Variants in ADGRL2 observed in about 807,000 individuals in gnomAD.
The protein encoded by ADGRL2 is calcium-independent alpha-latrotoxin receptor 2.
Under a neutral mutation model 157.4 loss-of-function variants are expected in ADGRL2, and 44 were observed. The observed-to-expected ratio is 0.28, with a 90% CI of 0.22 to 0.36. The LOEUF (loss-of-function observed/expected upper bound fraction) is 0.36. Among genes scored for constraint, ADGRL2 ranks in the 10% least tolerant of loss-of-function variants. The probability of loss-of-function intolerance (pLI) is 1.00; values close to 1 mark genes in which losing one functional copy is unlikely to be tolerated. For missense variants in ADGRL2, 1,510 were observed against 1,768.9 expected (o/e 0.85, Z 2.63); for synonymous variants, 585 against 624.7 (o/e 0.94, Z 0.95).
At chr1:81,936,909 G>C in intron 4 of ADGRL2, 72 bp downstream of exon 4, 1 of 913,302 alleles carries the variant, frequency 1.1e-6, no homozygotes, top group Non-Finnish European at 1.8e-6. Flanking sequence ...CTACACATGT[G>C]AAAGAAGCAT....
rs981521645 is a variant in ADGRL2 at position 81,955,737 on chromosome 1, T to A, written c.1834-140T>A. The A allele has an allele frequency of 5.5e-6, 3 of 545,396 alleles. No homozygotes were observed. The African/African-American group carries it at 5.9e-5, about 11-fold the overall frequency. The allele number at this position is 545,396 out of a possible 1,614,324, so 33.8% of individuals were successfully genotyped here. On this transcript the variant is annotated intron_variant, in intron 10 of 23. Transcript: ENST00000686636. ...TATTTTAAAATGGACCAGATATATGTTGTCTAGGTGTTCTTCCATCTTGAA... is the reference window on the plus strand; with the variant it reads ...TATTTTAAAATGGACCAGATATATGATGTCTAGGTGTTCTTCCATCTTGAA...
chr1:81,534,342 G>A (rs777042105), intron 2 of ADGRL2, among the ~76,000 whole-genome samples: 10 of 151,776 alleles, frequency 6.6e-5, no homozygotes, highest in Non-Finnish European at 8.8e-5. Flanking sequence ...TTGTATTTTC[G>A]GTAGAGACGG....
At chr1:81,447,251 C>A (rs2077615250) in intron 2 of ADGRL2, among the ~76,000 whole-genome samples, 1 of 151,958 alleles carries the variant, frequency 6.6e-6, no homozygotes, top group African/African-American at 2.4e-5. Flanking sequence ...AGATATAATT[C>A]AGTAAACATA....
intron 2 of ADGRL2, among the ~76,000 whole-genome samples, chr1:81,895,184 T>G (rs989152390): frequency 6.6e-6 from 1 of 152,108 alleles, no homozygotes; most frequent in Non-Finnish European, 1.5e-5. Flanking sequence ...AGTTTCAATG[T>G]TGTTAACCCA....
At chr1:81,802,838 C>T (rs1017558619) in intron 1 of ADGRL2, among the ~76,000 whole-genome samples, 1 of 152,070 alleles carries the variant, frequency 6.6e-6, no homozygotes, top group Non-Finnish European at 1.5e-5. Context: ...TCCTTCTCGT[C>T]AGTGGTTAGG....
intron 2 of ADGRL2, among the ~76,000 whole-genome samples, chr1:81,769,858 CTTTTCTTTTTT>C (rs1009053457): frequency 5.0e-4 from 76 of 151,580 alleles, no homozygotes; most frequent in African/African-American, 1.5e-3. Context: ...TTTTATTTTC[CTTTTCTTTTTT>C]TTTTCTTTTT....
intron 1 of ADGRL2, among the ~76,000 whole-genome samples, chr1:81,823,800 C>G (rs1207440825): frequency 6.6e-6 from 1 of 151,634 alleles, no homozygotes; most frequent in Admixed American, 6.6e-5. Flanking sequence ...ATAACTATAC[C>G]AAGAAAGGTA....
chr1:81,702,696 A>G (rs1055467821), intron 1 of ADGRL2, among the ~76,000 whole-genome samples: 8 of 152,308 alleles, frequency 5.3e-5, no homozygotes, highest in South Asian at 2.1e-4. Context: ...AGAAAACACC[A>G]TCTTGCTGGG....
chr1:81,868,060 G>GGTGTGTGTGTGTGTGTGTGT (rs145794673), intron 2 of ADGRL2, among the ~76,000 whole-genome samples: 1 of 145,662 alleles, frequency 6.9e-6, no homozygotes, highest in Middle Eastern at 3.6e-3. Context: ...GTGTGTGTGT[G>GGTGTGTGTGTGTGTGTGTGT]GTGTGTGTGT....
chr1:81,417,656 G>T (rs932830554), intron 1 of ADGRL2, among the ~76,000 whole-genome samples: 1 of 152,128 alleles, frequency 6.6e-6, no homozygotes. Flanking sequence ...TTGTATTAGG[G>T]TCCACCTTTC....
At chr1:81,889,048 CCT>C (rs1186122887) in intron 2 of ADGRL2, among the ~76,000 whole-genome samples, 3 of 152,154 alleles carry the variant, frequency 2.0e-5, no homozygotes, top group African/African-American at 7.2e-5. Flanking sequence ...CTGGCCCTTC[CCT>C]GTCTCTCCCC....
chr1:81,508,166 G>A (rs780071989), intron 2 of ADGRL2, among the ~76,000 whole-genome samples: 18 of 152,166 alleles, frequency 1.2e-4, no homozygotes, highest in Non-Finnish European at 7.3e-5. Context: ...TTCATATTAT[G>A]TAGCTTGTGT....
At chr1:81,664,502 G>T (rs1403575041) in intron 3 of ADGRL2, among the ~76,000 whole-genome samples, 2 of 152,130 alleles carry the variant, frequency 1.3e-5, no homozygotes, top group African/African-American at 4.8e-5. Context: ...GAAGTGATTA[G>T]AATATGCATT....
At chr1:81,589,773 G>A (rs2081096436) in intron 3 of ADGRL2, among the ~76,000 whole-genome samples, 1 of 152,218 alleles carries the variant, frequency 6.6e-6, no homozygotes, top group South Asian at 2.1e-4. Context: ...TGACCATAGA[G>A]GATAGTTTTA....
intron 1 of ADGRL2, among the ~76,000 whole-genome samples, chr1:81,438,947 C>T (rs2077458267): frequency 6.6e-6 from 1 of 152,008 alleles, no homozygotes; most frequent in African/African-American, 2.4e-5. Context: ...CTTCTTTTTC[C>T]TCTTTGTCCT....
At chr1:81,481,693 T>A (rs910110370) in intron 2 of ADGRL2, among the ~76,000 whole-genome samples, 4 of 151,828 alleles carry the variant, frequency 2.6e-5, no homozygotes, top group Admixed American at 1.3e-4. Context: ...CAATGTTCCC[T>A]AACCCACTTT....
At chr1:81,642,723 C>A (rs1467737959) in intron 3 of ADGRL2, among the ~76,000 whole-genome samples, 1 of 152,138 alleles carries the variant, frequency 6.6e-6, no homozygotes, top group Non-Finnish European at 1.5e-5. Flanking sequence ...AAAGAGAATT[C>A]ATACCAAATC....
intron 3 of ADGRL2, among the ~76,000 whole-genome samples, chr1:81,608,517 T>C (rs758151011): frequency 4.6e-5 from 7 of 152,210 alleles, no homozygotes; most frequent in Non-Finnish European, 1.0e-4. Flanking sequence ...TGAAACAAAA[T>C]TAACTAGGCT....
intron 2 of ADGRL2, among the ~76,000 whole-genome samples, chr1:81,477,268 A>C (rs4650556): frequency 0.97 from 147,331 of 152,130 alleles, 71,483 homozygotes; most frequent in East Asian, 1. Flanking sequence ...CAAAAGGCCA[A>C]TAGGCTGTCA....
Sources: allele counts gnomAD v4.1 joint callset (sites outside exome capture counted in the v4.1 genomes callset), GRCh38; gene constraint gnomAD v4.1.1; transcripts MANE v1.5; gene names NCBI Gene and HGNC (gene_info 2026-07-23, HGNC 2026-07-21).